Variants in IGFBP7 observed in about 807,000 individuals in gnomAD.
IGFBP7 encodes the protein insulin-like growth factor-binding protein 7.
Under a neutral mutation model 29.4 loss-of-function variants are expected in IGFBP7, and 31 were observed. The ratio of observed to expected loss-of-function variants is 1.05; its 90% CI spans 0.79 to 1.42. IGFBP7 has a LOEUF of 1.42. Ranked by LOEUF, IGFBP7 falls within the 40% of genes most tolerant of loss-of-function variation. IGFBP7 has a pLI of 0.00. For synonymous variants in IGFBP7, 172 were observed against 174.9 expected, an observed-to-expected ratio of 0.98 and a Z score of 0.13; for missense variants, 393 against 395.5, an observed-to-expected ratio of 0.99 and a Z score of 0.05.
chr4:57,064,298 G>A (rs1485122495), intron 1 of IGFBP7, among the ~76,000 whole-genome samples: 1 of 152,238 alleles, frequency 6.6e-6, no homozygotes, highest in African/African-American at 2.4e-5. Context: ...CCCACCTCGG[G>A]AGGTTGCAGT....
chr4:57,056,240 C>T (rs1294112080), intron 1 of IGFBP7, among the ~76,000 whole-genome samples: 1 of 152,120 alleles, frequency 6.6e-6, no homozygotes, highest in East Asian at 1.9e-4. Flanking sequence ...GCTGAGTGTT[C>T]TCAGATTTTC....
intron 1 of IGFBP7, among the ~76,000 whole-genome samples, chr4:57,047,869 G>T (rs1034993333): frequency 6.6e-6 from 1 of 152,142 alleles, no homozygotes; most frequent in Non-Finnish European, 1.5e-5. Flanking sequence ...CAAATAGCTA[G>T]GACTGCAGGT....
At chr4:57,048,282 C>T (rs1724415380) in intron 1 of IGFBP7, among the ~76,000 whole-genome samples, 1 of 152,086 alleles carries the variant, frequency 6.6e-6, no homozygotes, top group South Asian at 2.1e-4. Flanking sequence ...ATCTCCTGAC[C>T]TCGTGATCCA....
At chr4:57,103,656 T>TC (rs1436595623) in intron 1 of IGFBP7, among the ~76,000 whole-genome samples, 20 of 55,560 alleles carry the variant, frequency 3.6e-4, no homozygotes, top group African/African-American at 1.3e-3. Context: ...TTTTTTTTTC[T>TC]TTTCTTTTTT....
chr4:57,044,404 C>T (rs953169908), intron 1 of IGFBP7, among the ~76,000 whole-genome samples: 10 of 152,162 alleles, frequency 6.6e-5, no homozygotes, highest in East Asian at 3.9e-4. Context: ...TAGTGCTTTT[C>T]GTGTCCTGTT....
At chr4:57,071,151 T>C (rs1379317242) in intron 1 of IGFBP7, among the ~76,000 whole-genome samples, 1 of 152,210 alleles carries the variant, frequency 6.6e-6, no homozygotes, top group Non-Finnish European at 1.5e-5. Flanking sequence ...TCAAAAGTGA[T>C]GCCCATCAAT....
At position 57,073,172 on chromosome 4, in the gene IGFBP7, T is replaced by G. The variant is rs562456729; in HGVS notation, c.476-32239A>C. 1.3e-5 allele frequency: 19 copies of G among 1,491,764 alleles called. No individual in the cohort carries two copies. The African/African-American group carries it at 2.4e-4, about 19-fold the overall frequency. 92.4% of individuals were successfully genotyped at this position (1,491,764 alleles called of 1,614,324 possible). ...CCTGTCCTTGTGTCGTCTTTTTAAG[T>G]TTTCCTTAGATGGTCTGTCCTTTCT... On this transcript the variant is annotated intron_variant, in intron 1 of 4. Transcript: ENST00000295666.
intron 2 of IGFBP7, 60 bp downstream of exon 2, chr4:57,040,764 T>A: frequency 1.7e-6 from 2 of 1,169,952 alleles, no homozygotes; most frequent in Admixed American, 1.7e-5. Flanking sequence ...TTTACCATCC[T>A]TGTGCAGTGC....
chr4:57,060,658 C>A (rs1724777325), intron 1 of IGFBP7, among the ~76,000 whole-genome samples: 1 of 152,198 alleles, frequency 6.6e-6, no homozygotes, highest in Admixed American at 6.5e-5. Flanking sequence ...GCCTGCTACA[C>A]CAGCACTTTG....
At chr4:57,054,629 C>T (rs1724598661) in intron 1 of IGFBP7, among the ~76,000 whole-genome samples, 1 of 18,790 alleles carries the variant, frequency 5.3e-5, no homozygotes, top group Admixed American at 1.1e-3. Flanking sequence ...CAGAGCGAGG[C>T]TCTCTCTCAC....
chr4:57,066,783 G>A (rs1276016189), intron 1 of IGFBP7, among the ~76,000 whole-genome samples: 6 of 151,666 alleles, frequency 4.0e-5, no homozygotes, highest in African/African-American at 7.3e-5. Flanking sequence ...GGCTGGTTTC[G>A]AACTCCTGAC....
intron 1 of IGFBP7, among the ~76,000 whole-genome samples, chr4:57,104,342 T>G (rs1725970183): frequency 6.6e-6 from 1 of 152,052 alleles, no homozygotes; most frequent in African/African-American, 2.4e-5. Context: ...ACTAAGTGAT[T>G]CTTGGCTTTT....
At chr4:57,108,445 T>C (rs1264002810) in intron 1 of IGFBP7, among the ~76,000 whole-genome samples, 1 of 152,236 alleles carries the variant, frequency 6.6e-6, no homozygotes, top group Non-Finnish European at 1.5e-5. Flanking sequence ...CCCTTGAAAA[T>C]ACTGCCAATG....
rs1225962043 is a variant in IGFBP7 at position 57,105,073 on chromosome 4, A to G, written c.475+4804T>C. Among the ~76,000 whole-genome samples the G allele has an allele frequency of 2.0e-5, 3 of 152,346 alleles. No homozygotes were observed. In the South Asian group the frequency reaches 6.2e-4, roughly 32 times the overall value. On this transcript the variant is annotated intron_variant, in intron 1 of 4. Transcript: ENST00000295666. ...TCTAGTGGGGAAGACAGACATTCAA[A>G]GAGCCCTTTTGTGGCAGTTGGGGAA...
rs1726165794 is a variant in IGFBP7 at position 57,110,317 on chromosome 4, C to T, written c.35G>A (p.Gly12Asp). 1.4e-6 allele frequency: 2 copies of T among 1,410,232 alleles called. No homozygotes were observed. Among genetic ancestry groups the T allele is most frequent in the African/African-American group, 1.5e-5 (1 of 67,356 alleles). The allele number at this position is 1,410,232 out of a possible 1,614,324, so 87.4% of individuals were successfully genotyped here. A position where few individuals can be genotyped will look rare whatever the true frequency, so the allele number is the denominator to read the frequency against. ...ERPSLRALLL[G>D]AAGLLLLLLP... ...GAGCAGGAGCAGCAGCCCAGCGGCG[C>T]CGAGGAGCAGGGCGCGCAGCGACGG... Residue 12 changes from glycine (G) to aspartate (D), a missense_variant, in exon 1 of 5, where the codon GGC (glycine) becomes GAC (aspartate). Coordinates refer to ENST00000295666, the MANE Select transcript of IGFBP7 (RefSeq NM_001553.3).
intron 1 of IGFBP7, among the ~76,000 whole-genome samples, chr4:57,090,669 T>C (rs1725616896): frequency 2.0e-5 from 3 of 152,224 alleles, no homozygotes; most frequent in South Asian, 4.2e-4. Context: ...AAACCCCGTC[T>C]CTACTAAAAA....
At chr4:57,046,760 CG>C (rs112448949) in intron 1 of IGFBP7, among the ~76,000 whole-genome samples, 14,283 of 152,136 alleles carry the variant, frequency 0.094, 812 homozygotes, top group African/African-American at 0.15. Context: ...TACCCACCCT[CG>C]GCAACTCCAG....
intron 1 of IGFBP7, among the ~76,000 whole-genome samples, chr4:57,060,593 C>T (rs1394825975): frequency 6.6e-6 from 1 of 152,110 alleles, no homozygotes; most frequent in Non-Finnish European, 1.5e-5. Flanking sequence ...TCTACTTCTG[C>T]TTTAATGTTT....
In IGFBP7 at chr4:57,030,888, T is replaced by A. The variant is rs763491623; in HGVS notation, c.*429A>T. 2 of 1,571,166 alleles carry A rather than the reference T, an allele frequency of 1.3e-6. No individual in the cohort carries two copies. The highest frequency in any genetic ancestry group is 1.8e-6 in the Non-Finnish European group (2 of 1,140,822). Reference sequence around the variant, plus strand: ...CAATTCTGCTAATTACCATTTGTTTTTTCTTTTCAGATTTCTTTGGTGCGA... The same window carrying A: ...CAATTCTGCTAATTACCATTTGTTTATTCTTTTCAGATTTCTTTGGTGCGA... On this transcript the variant is annotated 3_prime_UTR_variant, in exon 5 of 5. Coordinates refer to ENST00000295666, the MANE Select transcript of IGFBP7 (RefSeq NM_001553.3).
Sources: allele counts gnomAD v4.1 joint callset (sites outside exome capture counted in the v4.1 genomes callset), GRCh38; gene constraint gnomAD v4.1.1; transcripts MANE v1.5; gene names NCBI Gene and HGNC (gene_info 2026-07-23, HGNC 2026-07-21).